The following INPP5A variants were observed in gnomAD, a reference collection of about 807,000 sequenced individuals.
The protein encoded by INPP5A is inositol polyphosphate-5-phosphatase A, also known as 43 kDa inositol polyphosphate 5-phophatase.
Under a neutral mutation model 65.2 loss-of-function variants are expected in INPP5A, and 14 were observed. The observed-to-expected ratio is 0.21, with a 90% CI of 0.14 to 0.34. INPP5A has a LOEUF of 0.34. Ranked by LOEUF, INPP5A falls within the 10% of genes least tolerant of loss-of-function variation. The probability of loss-of-function intolerance (pLI) is 1.00; values close to 1 mark genes in which losing one functional copy is unlikely to be tolerated. For missense variants in INPP5A, 431 were observed against 545.6 expected (o/e 0.79, Z 2.09); for synonymous variants, 207 against 208.3 (o/e 0.99, Z 0.05).
chr10:132,666,712 G>A (rs1156535017), intron 4 of INPP5A, among the ~76,000 whole-genome samples: 1 of 152,210 alleles, frequency 6.6e-6, no homozygotes, highest in Admixed American at 6.5e-5. Context: ...TGAAATTAAT[G>A]TTTGGTTGTC....
At chr10:132,758,094 CCGG>C (rs1223118325) in intron 11 of INPP5A, among the ~76,000 whole-genome samples, 1 of 138,958 alleles carries the variant, frequency 7.2e-6, no homozygotes, top group African/African-American at 2.7e-5. Context: ...ACCCCATAGC[CCGG>C]CACCATGGCG....
chr10:132,664,603 G>C (rs965540006), intron 4 of INPP5A, among the ~76,000 whole-genome samples: 1 of 152,220 alleles, frequency 6.6e-6, no homozygotes, highest in Non-Finnish European at 1.5e-5. Context: ...CCGCTGTGTG[G>C]GGGTGGCTGG....
At chr10:132,626,650 A>G (rs922145283) in intron 2 of INPP5A, among the ~76,000 whole-genome samples, 1 of 152,242 alleles carries the variant, frequency 6.6e-6, no homozygotes, top group Non-Finnish European at 1.5e-5. Context: ...GTCAGTATCC[A>G]CAAGGTGGAT....
At chr10:132,682,666 G>A (rs2073062242) in intron 4 of INPP5A, among the ~76,000 whole-genome samples, 1 of 152,206 alleles carries the variant, frequency 6.6e-6, no homozygotes, top group South Asian at 2.1e-4. Context: ...GGCCATCTGT[G>A]TATTATATAC....
intron 9 of INPP5A, among the ~76,000 whole-genome samples, chr10:132,731,278 C>T (rs1363356519): frequency 6.6e-6 from 1 of 151,728 alleles, no homozygotes; most frequent in Non-Finnish European, 1.5e-5. Context: ...TCAGGTGTCC[C>T]TCCTGCGCAT....
chr10:132,717,919 C>A (rs1845772676), intron 8 of INPP5A, among the ~76,000 whole-genome samples: 1 of 137,300 alleles, frequency 7.3e-6, no homozygotes, highest in Non-Finnish European at 1.5e-5. Context: ...TACCTGGGTT[C>A]TGTCTGGGCA....
At chr10:132,748,533 G>C (rs1188808725) in intron 9 of INPP5A, among the ~76,000 whole-genome samples, 1 of 152,232 alleles carries the variant, frequency 6.6e-6, no homozygotes, top group Non-Finnish European at 1.5e-5. Flanking sequence ...AGTCCACCCA[G>C]GTAGGGGTCT....
At chr10:132,763,227 C>T (rs767864947) in intron 11 of INPP5A, among the ~76,000 whole-genome samples, 4 of 152,344 alleles carry the variant, frequency 2.6e-5, no homozygotes, top group Non-Finnish European at 5.9e-5. Flanking sequence ...CTCATAGATG[C>T]TCCTGGGCAG....
At position 132,714,971 on chromosome 10, in the gene INPP5A, C is replaced by T. The variant is rs562763274; in HGVS notation, c.647+4515C>T. On this transcript the variant is annotated intron_variant, in intron 8 of 15. Transcript: ENST00000368594. ...GGACCAGGCTCTGGGCAGGTGTTGG[C>T]GGCATCTGTGCTGGGCTGGGGTCCT... 3.6e-3 allele frequency among the ~76,000 whole-genome samples: 552 copies of T among 152,268 alleles called. 2 individuals are homozygous for T. Among genetic ancestry groups the T allele is most frequent in the Non-Finnish European group, 6.0e-3 (409 of 68,020 alleles).
At chr10:132,714,340 T>G (rs940093204) in intron 8 of INPP5A, among the ~76,000 whole-genome samples, 34 of 152,118 alleles carry the variant, frequency 2.2e-4, no homozygotes, top group Non-Finnish European at 4.6e-4. Context: ...GGGTCGCCCT[T>G]TCACCGCGGC....
At chr10:132,764,169 C>T (rs966799949) in intron 11 of INPP5A, among the ~76,000 whole-genome samples, 11 of 152,258 alleles carry the variant, frequency 7.2e-5, no homozygotes, top group African/African-American at 2.4e-4. Flanking sequence ...AGCAGCCTGG[C>T]ACAGGGTAAT....
rs2072032552 is a variant in INPP5A, at chr10:132,616,322, G to A, written c.117+8366G>A. 6.6e-6 allele frequency among the ~76,000 whole-genome samples: 1 copy of A among 152,236 alleles called. No individual in the cohort carries two copies. The highest frequency in any genetic ancestry group is 2.4e-5 in the African/African-American group (1 of 41,458). On this transcript the variant is annotated intron_variant, in intron 2 of 15. Transcript: ENST00000368594. The surrounding 1 kb of genome is among the most constrained non-coding windows in gnomAD (Gnocchi z 4.9). The stretch of plus-strand genomic sequence containing the variant: ...GCAGATGTGCAGTGTGGGGCATGTG[G>A]CGTGCAGGGACGCCGTGGGCGTGGT...
intron 8 of INPP5A, among the ~76,000 whole-genome samples, chr10:132,723,586 CGTGTGGGG>C (rs1564984465): frequency 4.0e-4 from 35 of 86,608 alleles, no homozygotes; most frequent in African/African-American, 1.4e-3. Flanking sequence ...GGGGATTGGC[CGTGTGGGG>C]ATTGGTTTTG....
intron 1 of INPP5A, among the ~76,000 whole-genome samples, chr10:132,593,951 A>C (rs2071650769): frequency 6.6e-6 from 1 of 152,184 alleles, no homozygotes; most frequent in African/African-American, 2.4e-5. Context: ...TGGTGTGATC[A>C]GTTGTATTAG....
intron 4 of INPP5A, among the ~76,000 whole-genome samples, chr10:132,670,857 T>C (rs1012131798): frequency 6.6e-5 from 10 of 150,652 alleles, no homozygotes; most frequent in African/African-American, 2.4e-4. Flanking sequence ...TTTTTTTTTT[T>C]TTTTTTTTAA....
rs554296857 is a variant in INPP5A, at chr10:132,579,265, C to T, written c.76-28650C>T. 4.6e-5 allele frequency among the ~76,000 whole-genome samples: 7 copies of T among 151,914 alleles called. No homozygotes were observed. In the South Asian group the frequency reaches 6.2e-4, roughly 14 times the overall value. Reference sequence around the variant, plus strand: ...CGGAGGGGACCGCGGGGCGGGGTGGCGAGTGGGGCTCCTGGTGTCTGGGGC... The same window carrying T: ...CGGAGGGGACCGCGGGGCGGGGTGGTGAGTGGGGCTCCTGGTGTCTGGGGC... On this transcript the variant is annotated intron_variant, in intron 1 of 15. Coordinates refer to ENST00000368594, the MANE Select transcript of INPP5A (RefSeq NM_005539.5).
intron 4 of INPP5A, among the ~76,000 whole-genome samples, chr10:132,654,962 T>C (rs1314947479): frequency 1.3e-5 from 2 of 152,200 alleles, no homozygotes; most frequent in African/African-American, 2.4e-5. Context: ...CTTTTAATGC[T>C]TAAAAAATGA....
chr10:132,591,158 C>A (rs1039650643), intron 1 of INPP5A, among the ~76,000 whole-genome samples: 1 of 152,178 alleles, frequency 6.6e-6, no homozygotes, highest in Non-Finnish European at 1.5e-5. Context: ...AGAGTTCTTT[C>A]AATTGCAAGA....
chr10:132,539,842 C>T (rs564243279), intron 1 of INPP5A, among the ~76,000 whole-genome samples: 1 of 152,368 alleles, frequency 6.6e-6, no homozygotes, highest in South Asian at 2.1e-4. Context: ...AAGCTCAGTT[C>T]ATGCACAGGC....
Sources: allele counts gnomAD v4.1 joint callset (sites outside exome capture counted in the v4.1 genomes callset), GRCh38; gene constraint gnomAD v4.1.1; non-coding constraint Gnocchi (gnomAD v3.1); transcripts MANE v1.5; gene names NCBI Gene and HGNC (gene_info 2026-07-23, HGNC 2026-07-21).